POU6F2: variants seen among roughly 807,000 people sequenced by gnomAD.
POU6F2 encodes the protein POU class 6 homeobox 2, also known as POU domain, class 6, transcription factor 2.
A neutral mutation model predicts 71.3 loss-of-function variants in POU6F2; 31 were observed. The ratio of observed to expected loss-of-function variants is 0.43; its 90% CI spans 0.33 to 0.59. The LOEUF (loss-of-function observed/expected upper bound fraction) is 0.59. Ranked by LOEUF, POU6F2 falls within the 20% of genes least tolerant of loss-of-function variation. The pLI, the probability that POU6F2 is intolerant of heterozygous loss-of-function variation, is 0.04. For missense variants in POU6F2, 783 were observed against 856.8 expected, an observed-to-expected ratio of 0.91 and a Z score of 1.07; for synonymous variants, 347 against 355.7, an observed-to-expected ratio of 0.98 and a Z score of 0.27.
intron 5 of POU6F2, among the ~76,000 whole-genome samples, chr7:39,399,969 A>T (rs1037352393): frequency 6.6e-6 from 1 of 152,216 alleles, no homozygotes; most frequent in African/African-American, 2.4e-5. Flanking sequence ...CTCCCAGCCC[A>T]TGGATACATT....
At chr7:39,248,816 G>A (rs1023482971) in intron 4 of POU6F2, among the ~76,000 whole-genome samples, 13 of 152,162 alleles carry the variant, frequency 8.5e-5, no homozygotes, top group Non-Finnish European at 1.3e-4. Context: ...GGTAGAGACA[G>A]GTTAGCCCAG....
chr7:39,139,343 A>G (rs1460391794), intron 2 of POU6F2, among the ~76,000 whole-genome samples: 1 of 152,166 alleles, frequency 6.6e-6, no homozygotes, highest in Non-Finnish European at 1.5e-5. Context: ...AGATCATTTC[A>G]CTGCTGATGG....
chr7:39,180,772 G>A (rs1426785469), intron 2 of POU6F2, among the ~76,000 whole-genome samples: 1 of 152,020 alleles, frequency 6.6e-6, no homozygotes, highest in African/African-American at 2.4e-5. Flanking sequence ...TTTTGCACTG[G>A]GCCCCATTAC....
At chr7:39,271,080 C>A (rs1339312418) in intron 4 of POU6F2, among the ~76,000 whole-genome samples, 2 of 152,152 alleles carry the variant, frequency 1.3e-5, no homozygotes, top group African/African-American at 2.4e-5. Context: ...GGTGACCCAA[C>A]CACGACCAGC....
At chr7:39,184,856 G>T (rs1793501256) in intron 2 of POU6F2, among the ~76,000 whole-genome samples, 1 of 152,138 alleles carries the variant, frequency 6.6e-6, no homozygotes, top group Admixed American at 6.5e-5. Flanking sequence ...CATAAGAGCT[G>T]TATTTTCTTT....
intron 4 of POU6F2, among the ~76,000 whole-genome samples, chr7:39,257,495 A>C (rs1018016779): frequency 5.9e-5 from 9 of 152,170 alleles, no homozygotes; most frequent in African/African-American, 2.2e-4. Flanking sequence ...TTATCTAGAA[A>C]CAAAAGCTTT....
intron 4 of POU6F2, among the ~76,000 whole-genome samples, chr7:39,223,260 G>A (rs371471090): frequency 9.9e-5 from 15 of 152,118 alleles, no homozygotes; most frequent in African/African-American, 2.9e-4. Context: ...GAGAAGGCAC[G>A]CTTCAGAAGT....
At chr7:39,446,518 C>T (rs1002814061) in intron 7 of POU6F2, among the ~76,000 whole-genome samples, 5 of 152,166 alleles carry the variant, frequency 3.3e-5, no homozygotes, top group African/African-American at 9.7e-5. Flanking sequence ...ACATTATTAA[C>T]GATATACCGC....
chr7:39,000,736 G>T (rs1788881867), intron 1 of POU6F2, among the ~76,000 whole-genome samples: 1 of 152,052 alleles, frequency 6.6e-6, no homozygotes, highest in Admixed American at 6.6e-5. Context: ...AAAAGATCAG[G>T]GTCAACAGAG....
At chr7:39,135,598 A>C (rs973081702) in intron 2 of POU6F2, among the ~76,000 whole-genome samples, 3 of 152,188 alleles carry the variant, frequency 2.0e-5, no homozygotes, top group Admixed American at 1.3e-4. Flanking sequence ...ATAAAATTGA[A>C]TATCTATTCC....
At chr7:39,436,021 T>A (rs1479412545) in intron 7 of POU6F2, among the ~76,000 whole-genome samples, 1 of 152,218 alleles carries the variant, frequency 6.6e-6, no homozygotes, top group African/African-American at 2.4e-5. Flanking sequence ...TTTTAGTTAC[T>A]GTAGCCTTGT....
intron 4 of POU6F2, among the ~76,000 whole-genome samples, chr7:39,231,816 G>GA (rs890951610): frequency 5.3e-5 from 8 of 151,464 alleles, no homozygotes; most frequent in South Asian, 2.1e-4. Context: ...AGATGTGAAA[G>GA]AAAAAAAAAT....
intron 4 of POU6F2, among the ~76,000 whole-genome samples, chr7:39,252,593 C>T (rs1474773345): frequency 6.6e-6 from 1 of 152,178 alleles, no homozygotes; most frequent in Non-Finnish European, 1.5e-5. Context: ...GGGTCCTTAA[C>T]ATCAAGTTAT....
chr7:39,225,398 A>G (rs981864595), intron 4 of POU6F2, among the ~76,000 whole-genome samples: 1 of 152,198 alleles, frequency 6.6e-6, no homozygotes, highest in African/African-American at 2.4e-5. Context: ...TAATCAGGCT[A>G]TGTTGAACTC....
chr7:39,193,112 G>T (rs1793704667), intron 2 of POU6F2, among the ~76,000 whole-genome samples: 1 of 152,176 alleles, frequency 6.6e-6, no homozygotes, highest in South Asian at 2.1e-4. Context: ...AAGGTCCCAA[G>T]GGATGCCAAT....
chr7:39,453,960 C>T (rs1449616718), intron 8 of POU6F2, among the ~76,000 whole-genome samples: 1 of 152,168 alleles, frequency 6.6e-6, no homozygotes, highest in Non-Finnish European at 1.5e-5. Context: ...TTTGCCCTAA[C>T]CCCTTGCTGG....
chr7:39,188,247 A>G (rs1301746986), intron 2 of POU6F2, among the ~76,000 whole-genome samples: 1 of 152,238 alleles, frequency 6.6e-6, no homozygotes, highest in Non-Finnish European at 1.5e-5. Context: ...AAAATCACAC[A>G]GGCAGTGCAT....
At chr7:39,435,163 G>A (rs1044978724) in intron 7 of POU6F2, among the ~76,000 whole-genome samples, 9 of 152,194 alleles carry the variant, frequency 5.9e-5, no homozygotes, top group Admixed American at 2.0e-4. Flanking sequence ...ATGGGATTGC[G>A]GGGTCAAATG....
chr7:39,319,024 A>C (rs1785329915), intron 4 of POU6F2, among the ~76,000 whole-genome samples: 1 of 152,168 alleles, frequency 6.6e-6, no homozygotes, highest in Non-Finnish European at 1.5e-5. Context: ...TGCAGGTACT[A>C]GAGGAGCTGA....
Sources: allele counts gnomAD v4.1 joint callset (sites outside exome capture counted in the v4.1 genomes callset), GRCh38; gene constraint gnomAD v4.1.1; transcripts MANE v1.5; gene names NCBI Gene and HGNC (gene_info 2026-07-23, HGNC 2026-07-21).